The following UGT2B4 variants were observed in gnomAD, a reference collection of about 807,000 sequenced individuals.
UGT2B4 encodes the protein UDP glucuronosyltransferase family 2 member B4.
A neutral mutation model predicts 49.8 loss-of-function variants in UGT2B4; 49 were observed. The ratio of observed to expected loss-of-function variants is 0.98; its 90% CI spans 0.78 to 1.25. The LOEUF (loss-of-function observed/expected upper bound fraction) is 1.25, where lower values mean the gene tolerates loss of function less well. Ranked by LOEUF, UGT2B4 falls within the 50% of genes most tolerant of loss-of-function variation. The pLI, the probability that UGT2B4 is intolerant of heterozygous loss-of-function variation, is 0.00. For missense variants in UGT2B4, 729 were observed against 627.7 expected, an observed-to-expected ratio of 1.16 and a Z score of -1.73; for synonymous variants, 246 against 217.7, an observed-to-expected ratio of 1.13 and a Z score of -1.14.
At chr4:69,508,403 C>T (rs1560440791) in intron 1 of UGT2B4, among the ~76,000 whole-genome samples, 1 of 152,036 alleles carries the variant, frequency 6.6e-6, no homozygotes, top group Non-Finnish European at 1.5e-5. Flanking sequence ...CATGTATGCA[C>T]ATGTTTATTG....
At chr4:69,514,063 A>G (rs1044909506) in intron 1 of UGT2B4, among the ~76,000 whole-genome samples, 1 of 152,010 alleles carries the variant, frequency 6.6e-6, no homozygotes, top group African/African-American at 2.4e-5. Context: ...TAAATGAATA[A>G]ATGTCAAAAT....
At chr4:69,523,761 A>C (rs780522619) in intron 1 of UGT2B4, among the ~76,000 whole-genome samples, 5 of 152,120 alleles carry the variant, frequency 3.3e-5, no homozygotes, top group African/African-American at 7.2e-5. Context: ...TTAAAGACTC[A>C]AGTGACATAT....
chr4:69,493,601 C>T (rs1577888175), intron 2 of UGT2B4, 92 bp downstream of exon 2: 4 of 1,433,100 alleles, frequency 2.8e-6, no homozygotes, highest in Non-Finnish European at 1.8e-6. Context: ...CCACTTCCAC[C>T]TTTCTTCCAG....
At chr4:69,510,286 T>C (rs1290778103) in intron 1 of UGT2B4, among the ~76,000 whole-genome samples, 1 of 152,214 alleles carries the variant, frequency 6.6e-6, no homozygotes, top group Non-Finnish European at 1.5e-5. Context: ...GAAAATGTGA[T>C]GCCTCCAGCT....
At chr4:69,500,629 G>GAA (rs1274019872), upstream of UGT2B4, among the ~76,000 whole-genome samples, 2 of 134,062 alleles carry the variant, frequency 1.5e-5, no homozygotes, top group African/African-American at 5.3e-5. Flanking sequence ...AAGAAAGAAA[G>GAA]AAAGAAAGAA....
chr4:69,504,762 T>C (rs1031151100), intron 1 of UGT2B4, among the ~76,000 whole-genome samples: 1 of 151,952 alleles, frequency 6.6e-6, no homozygotes, highest in African/African-American at 2.4e-5. Context: ...CCCAGTAAGA[T>C]ACTCCATGAG....
Position 69,485,187 on chromosome 4 carries a change from TA to T in UGT2B4, c.1310+20del, listed in dbSNP as rs41297433. 3,077 of 1,602,016 alleles carry T rather than the reference TA, an allele frequency of 1.9e-3. 46 individuals carry two copies. The African/African-American group carries it at 0.035, about 18-fold the overall frequency. On this transcript the variant is annotated intron_variant, in intron 5 of 5. Coordinates refer to ENST00000305107, the MANE Select transcript of UGT2B4 (RefSeq NM_021139.3). ...GAACCTATCTATAAAGACCACCGAGTAAAAAAAAAGTTATACTCACAAAGGA... is the reference window on the plus strand; with the variant it reads ...GAACCTATCTATAAAGACCACCGAGTAAAAAAAAGTTATACTCACAAAGGA...
intron 1 of UGT2B4, among the ~76,000 whole-genome samples, chr4:69,510,982 C>CTTTTTTTTTTTTTTTTTTT (rs1259714505): frequency 9.0e-6 from 1 of 110,956 alleles, no homozygotes; most frequent in Non-Finnish European, 1.8e-5. Flanking sequence ...TCTTTCTTTT[C>CTTTTTTTTTTTTTTTTTTT]TTTTCTTCTT....
At chr4:69,500,666 A>AAAGAAAGGAAGG (rs1444201529), upstream of UGT2B4, among the ~76,000 whole-genome samples, 29 of 113,884 alleles carry the variant, frequency 2.5e-4, no homozygotes, top group Non-Finnish European at 3.6e-4. Context: ...AGAAAGAAAG[A>AAAGAAAGGAAGG]AAGGAAGGAA....
chr4:69,507,721 A>C (rs1728511095), intron 1 of UGT2B4, among the ~76,000 whole-genome samples: 1 of 152,190 alleles, frequency 6.6e-6, no homozygotes, highest in African/African-American at 2.4e-5. Flanking sequence ...AGATGGATTA[A>C]AGACTTAAAT....
At position 69,489,566 on chromosome 4, in the gene UGT2B4, A is replaced by T. The variant is rs770064643; in HGVS notation, c.875T>A (p.Met292Lys). The T allele has an allele frequency of 3.7e-6, 6 of 1,603,934 alleles. No individual in the cohort carries two copies. In the South Asian group the frequency reaches 6.7e-5, roughly 18 times the overall value. Residue 292 changes from methionine (M) to lysine (K), a missense_variant, in exon 3 of 6, where the codon ATG becomes AAG. Met to Lys is a moderately conservative substitution (Grantham distance 95). Coordinates refer to ENST00000305107, the MANE Select transcript of UGT2B4 (RefSeq NM_021139.3). ...TCCAGAGCTCTGGACAAACTCTTCC[A>T]TTTCCTGTGAAAAAAAAGAATTTGT... ...CKPAKPLPKE[M>K]EEFVQSSGEN...
intron 1 of UGT2B4, among the ~76,000 whole-genome samples, chr4:69,522,960 C>T (rs1728881444): frequency 6.6e-6 from 1 of 152,180 alleles, no homozygotes; most frequent in South Asian, 2.1e-4. Flanking sequence ...CCACTTTCTT[C>T]TCCAATGCAG....
At position 69,490,844 on chromosome 4, in the gene UGT2B4, G is replaced by A. The variant is rs528234386; in HGVS notation, c.871-1274C>T. 1.2e-4 allele frequency among the ~76,000 whole-genome samples: 19 copies of A among 152,038 alleles called. No individual in the cohort carries two copies. The East Asian group carries it at 1.4e-3, about 11-fold the overall frequency. On this transcript the variant is annotated intron_variant, in intron 2 of 5. Transcript: ENST00000305107. ...TGTAGCCACATTTGATGTAACTTAC[G>A]TTCAGTGTTTTGTTTCAGTGGCTTG...
chr4:69,494,248 T>G (rs2109813444), intron 1 of UGT2B4, among the ~76,000 whole-genome samples: 1 of 152,308 alleles, frequency 6.6e-6, no homozygotes, highest in Non-Finnish European at 1.5e-5. Flanking sequence ...ACAAATAGTC[T>G]AATTTCCCAT....
At chr4:69,500,566 AAAGAAAGC>A (rs1234236770), upstream of UGT2B4, among the ~76,000 whole-genome samples, 335 of 137,046 alleles carry the variant, frequency 2.4e-3, 6 homozygotes, top group Admixed American at 0.018. Flanking sequence ...GAAAGCAAGA[AAAGAAAGC>A]AAGAAAGCAA....
At chr4:69,521,731 C>A (rs1312233429) in intron 1 of UGT2B4, among the ~76,000 whole-genome samples, 1 of 152,190 alleles carries the variant, frequency 6.6e-6, no homozygotes, top group Non-Finnish European at 1.5e-5. Flanking sequence ...TGCCACCACA[C>A]ACAGAGGGTT....
chr4:69,504,041 A>G (rs1190751427), intron 1 of UGT2B4, among the ~76,000 whole-genome samples: 3 of 152,216 alleles, frequency 2.0e-5, no homozygotes, highest in African/African-American at 7.2e-5. Context: ...ATGAACCCTC[A>G]AGGTAATTAA....
At chr4:69,514,677 T>C (rs945223752) in intron 1 of UGT2B4, among the ~76,000 whole-genome samples, 3 of 152,204 alleles carry the variant, frequency 2.0e-5, no homozygotes, top group Admixed American at 2.0e-4. Context: ...GAATAAGTGT[T>C]GAAATTTAGT....
intron 1 of UGT2B4, among the ~76,000 whole-genome samples, chr4:69,494,568 C>T (rs1014691246): frequency 1.2e-4 from 19 of 152,150 alleles, no homozygotes; most frequent in Admixed American, 8.5e-4. Context: ...TAAATGGTTT[C>T]CAATCCTTTA....
Sources: allele counts gnomAD v4.1 joint callset (sites outside exome capture counted in the v4.1 genomes callset), GRCh38; gene constraint gnomAD v4.1.1; transcripts MANE v1.5; gene names NCBI Gene and HGNC (gene_info 2026-07-23, HGNC 2026-07-21).